Variants in NECTIN3 observed in about 807,000 individuals in gnomAD.
NECTIN3 encodes nectin-3.
In NECTIN3, 8 loss-of-function variants were observed where a neutral mutation model predicts 49.4. The ratio of observed to expected loss-of-function variants is 0.16; its 90% confidence interval spans 0.10 to 0.29. NECTIN3 has a LOEUF of 0.29. Among genes scored for constraint, NECTIN3 ranks in the 10% least tolerant of loss-of-function variants. NECTIN3 has a pLI of 1.00. For missense variants in NECTIN3, 581 were observed against 654.6 expected (o/e 0.89, Z 1.23); for synonymous variants, 277 against 241.1 (o/e 1.15, Z -1.38).
At chr3:111,161,527 G>T (rs1253151233) in intron 7 of NECTIN3, among the ~76,000 whole-genome samples, 1 of 152,152 alleles carries the variant, frequency 6.6e-6, no homozygotes, top group Non-Finnish European at 1.5e-5. Context: ...CCACACAGCA[G>T]CAGGTGAGCA....
At chr3:111,188,166 A>G (rs1430038432), upstream of NECTIN3, among the ~76,000 whole-genome samples, 51 of 152,356 alleles carry the variant, frequency 3.3e-4, no homozygotes, top group Admixed American at 3.3e-3. Flanking sequence ...GGATTGACAG[A>G]AAGAGCATGT....
intron 7 of NECTIN3, among the ~76,000 whole-genome samples, chr3:111,166,170 G>C (rs1243822508): frequency 6.6e-6 from 1 of 152,184 alleles, no homozygotes; most frequent in Non-Finnish European, 1.5e-5. Flanking sequence ...ACAGTCACCA[G>C]AATGGGCAAA....
In NECTIN3 at chr3:111,135,107, G is replaced by T. The variant is rs1221787860; in HGVS notation, c.*892G>T. On this transcript the variant is annotated 3_prime_UTR_variant, in exon 6 of 6. Coordinates refer to ENST00000485303, the MANE Select transcript of NECTIN3 (RefSeq NM_015480.3). The stretch of plus-strand genomic sequence containing the variant: ...AGCATTTCGGAATACTGAAGTACTA[G>T]TTTTAGAAATGAGACTTTCAGCCAA... The T allele has an allele frequency of 1.0e-6, 1 of 978,926 alleles. No homozygotes were observed. Among genetic ancestry groups the T allele is most frequent in the Non-Finnish European group, 1.2e-6 (1 of 824,368 alleles). 60.6% of individuals were successfully genotyped at this position (978,926 alleles called of 1,614,324 possible).
chr3:111,109,241 A>G (rs994451686), intron 1 of NECTIN3, among the ~76,000 whole-genome samples: 3 of 152,106 alleles, frequency 2.0e-5, no homozygotes, highest in African/African-American at 7.2e-5. Context: ...ACCAGATACT[A>G]CCTTTGAGGT....
chr3:111,101,206 C>T (rs967014682), intron 1 of NECTIN3, among the ~76,000 whole-genome samples: 2 of 152,070 alleles, frequency 1.3e-5, no homozygotes, highest in African/African-American at 4.8e-5. Flanking sequence ...GTAAATTCAA[C>T]TAAAGAGAAC....
rs1673471151 is a variant in NECTIN3 at position 111,107,902 on chromosome 3, A to G, written c.161-4128A>G. Among the ~76,000 whole-genome samples, 4 of 152,288 alleles carry G rather than the reference A, an allele frequency of 2.6e-5. No homozygotes were observed. In the South Asian group the frequency reaches 8.3e-4, roughly 32 times the overall value. On this transcript the variant is annotated intron_variant, in intron 1 of 5. Transcript: ENST00000485303. ...GTATTAGATTCTTTTATTTGCAACA[A>G]CAGAACTCTGGCTAATTAAAACATA...
In NECTIN3 at chr3:111,118,790, A is replaced by G; in HGVS notation, c.637A>G (p.Met213Val). ...HIDWEGDLGE[M>V]ESTTTSFPNE... The stretch of plus-strand genomic sequence containing the variant: ...TGACTGGGAAGGTGATCTTGGTGAA[A>G]TGGAATCCACTACAACTTCTTTTCC... Residue 213 changes from methionine (M) to valine (V), a missense_variant, in exon 3 of 6, where the codon ATG (methionine) becomes GTG (valine). Around this residue, in one of 3 missense-constraint regions of NECTIN3, gnomAD observed 234 missense variants for 340.6 expected, o/e 0.69. Transcript: ENST00000485303. The G allele has an allele frequency of 6.2e-7, 1 of 1,614,166 alleles. No homozygotes were observed. Among genetic ancestry groups the G allele is most frequent in the Non-Finnish European group, 8.5e-7 (1 of 1,180,030 alleles).
intron 2 of NECTIN3, among the ~76,000 whole-genome samples, chr3:111,113,054 TC>T (rs2033540527): frequency 6.6e-6 from 1 of 152,180 alleles, no homozygotes; most frequent in Admixed American, 6.5e-5. Context: ...CTGCCTAGAT[TC>T]TTACTCAAAC....
chr3:111,138,139 T>C (rs1399087392), downstream of NECTIN3, among the ~76,000 whole-genome samples: 1 of 151,726 alleles, frequency 6.6e-6, no homozygotes, highest in Non-Finnish European at 1.5e-5. Flanking sequence ...GTTTTTTACT[T>C]ACTACTTTTT....
intron 1 of NECTIN3, chr3:111,193,201 A>G (rs890436293): frequency 4.6e-6 from 7 of 1,534,994 alleles, no homozygotes; most frequent in Admixed American, 2.0e-5. Context: ...AATTTTTAGA[A>G]TGGACTAAAT....
chr3:111,076,325 A>G (rs768788523), intron 1 of NECTIN3, among the ~76,000 whole-genome samples: 12 of 152,146 alleles, frequency 7.9e-5, no homozygotes, highest in Non-Finnish European at 1.8e-4. Flanking sequence ...TAGTGAGTAA[A>G]TAATACATTG....
At chr3:111,076,511 C>T (rs1343451297) in intron 1 of NECTIN3, among the ~76,000 whole-genome samples, 1 of 152,000 alleles carries the variant, frequency 6.6e-6, no homozygotes, top group East Asian at 1.9e-4. Context: ...GCACACAGAT[C>T]CAAAAATCTG....
chr3:111,072,390 T>G, intron 1 of NECTIN3: 3 of 1,509,084 alleles, frequency 2.0e-6, no homozygotes, highest in Non-Finnish European at 1.8e-6. Context: ...CCCGCTGCCC[T>G]CCCCCGCGGC....
At chr3:111,117,460 G>T (rs1358122679) in intron 2 of NECTIN3, among the ~76,000 whole-genome samples, 2 of 152,074 alleles carry the variant, frequency 1.3e-5, no homozygotes, top group South Asian at 2.1e-4. Flanking sequence ...TAAGATGTGT[G>T]GTGGTTATAT....
intron 5 of NECTIN3, 125 bp downstream of exon 5, chr3:111,126,460 C>A: frequency 1.3e-6 from 1 of 797,778 alleles, no homozygotes; most frequent in South Asian, 1.9e-5. Flanking sequence ...GAAGTTTTTC[C>A]AAATAATCTA....
chr3:111,074,728 G>C (rs752044518), intron 1 of NECTIN3, among the ~76,000 whole-genome samples: 1 of 151,910 alleles, frequency 6.6e-6, no homozygotes, highest in Non-Finnish European at 1.5e-5. Flanking sequence ...AAGCCTAAGA[G>C]ATTCCTAGGT....
intron 7 of NECTIN3, among the ~76,000 whole-genome samples, chr3:111,175,752 C>T (rs563283121): frequency 6.6e-6 from 1 of 152,218 alleles, no homozygotes; most frequent in South Asian, 2.1e-4. Flanking sequence ...GCTGCTTCTG[C>T]TTCAGTAACA....
rs2034896326 is a variant in NECTIN3, at chr3:111,147,322, C to T, written c.1140-81C>T. 2.7e-6 allele frequency: 3 copies of T among 1,103,918 alleles called. No homozygotes were observed. The African/African-American group carries it at 4.8e-5, about 18-fold the overall frequency. 68.4% of individuals were successfully genotyped at this position (1,103,918 alleles called of 1,614,324 possible). On this transcript the variant is annotated intron_variant, in intron 6 of 8. Transcript: ENST00000493615. Reference sequence around the variant, plus strand: ...TAATATGAGGAAAATATTCTCAAAACTTATGAGAACCTTGATTTTCTTTTG... The same window carrying T: ...TAATATGAGGAAAATATTCTCAAAATTTATGAGAACCTTGATTTTCTTTTG...
chr3:111,073,357 G>A (rs1210063721), intron 1 of NECTIN3: 6 of 152,272 alleles, frequency 3.9e-5, no homozygotes, highest in African/African-American at 9.7e-5. Context: ...GGTGAGTCAG[G>A]GTAGTTGGTT....
Sources: gnomAD v4.1 joint callset for allele counts (sites outside exome capture counted in the v4.1 genomes callset) on GRCh38, gnomAD v4.1.1 for gene constraint, gnomAD v4.1.1 regional missense constraint, MANE v1.5 for transcripts, NCBI Gene and HGNC (gene_info 2026-07-23, HGNC 2026-07-21) for gene names.